The following GPSM2 variants were observed in gnomAD, a reference collection of about 807,000 sequenced individuals.
GPSM2 encodes the protein G protein signaling modulator 2.
In GPSM2, 58 loss-of-function variants were observed where a neutral mutation model predicts 78.4. The ratio of observed to expected loss-of-function variants is 0.74; its 90% CI spans 0.60 to 0.92. The LOEUF is 0.92. Ranked by LOEUF, GPSM2 falls within the 40% of genes least tolerant of loss-of-function variation. The probability of loss-of-function intolerance (pLI) is 0.00; values close to 1 mark genes in which losing one functional copy is unlikely to be tolerated. For missense variants in GPSM2, 700 were observed against 815.5 expected (o/e 0.86, Z 1.73); for synonymous variants, 224 against 280.2 (o/e 0.80, Z 2.00).
At chr1:108,916,626 T>C (rs1650249054) in intron 11 of GPSM2, among the ~76,000 whole-genome samples, 1 of 152,274 alleles carries the variant, frequency 6.6e-6, no homozygotes. Flanking sequence ...GCAAAATTAA[T>C]TTGCTTTCTT....
chr1:108,891,748 A>AC lies in GPSM2; in HGVS notation c.57-5109dup, dbSNP rs201549965. ...TCGAACTCCTGGGCTCAAGCGATCCACCCCCCCTTAGCCTCCCAAGTGCTG... is the reference window on the plus strand; with the variant it reads ...TCGAACTCCTGGGCTCAAGCGATCCACCCCCCCCTTAGCCTCCCAAGTGCTG... On this transcript the variant is annotated intron_variant, in intron 2 of 14. Coordinates refer to ENST00000264126, the MANE Select transcript of GPSM2 (RefSeq NM_013296.5). Among the ~76,000 whole-genome samples, 202 of 136,994 alleles carry AC rather than the reference A, an allele frequency of 1.5e-3. 1 individual carries two copies. The highest frequency in any genetic ancestry group is 5.1e-3 in the African/African-American group (182 of 35,968). The allele number at this position is 136,994 out of a possible 152,430, so 89.9% of individuals were successfully genotyped here. A position where few individuals can be genotyped will look rare whatever the true frequency, so the allele number is the denominator to read the frequency against.
intron 2 of GPSM2, among the ~76,000 whole-genome samples, chr1:108,891,210 A>G (rs1647940200): frequency 1.3e-5 from 2 of 152,236 alleles, no homozygotes; most frequent in African/African-American, 4.8e-5. Context: ...GTGAATAATA[A>G]GCATTTTAAT....
chr1:108,905,280 AC>A (rs1372733009), intron 10 of GPSM2, among the ~76,000 whole-genome samples: 3 of 152,158 alleles, frequency 2.0e-5, no homozygotes, highest in African/African-American at 7.2e-5. Flanking sequence ...GTCTTCATAG[AC>A]CCTTCTAGCT....
chr1:108,878,663 CAT>C (rs1665746529), intron 1 of GPSM2, among the ~76,000 whole-genome samples: 1 of 152,072 alleles, frequency 6.6e-6, no homozygotes, highest in African/African-American at 2.4e-5. Flanking sequence ...GAAAATCTGA[CAT>C]AGATTTAGGT....
intron 10 of GPSM2, among the ~76,000 whole-genome samples, chr1:108,911,663 T>C (rs6699472): frequency 0.33 from 49,809 of 151,948 alleles, 9,016 homozygotes; most frequent in African/African-American, 0.48. Flanking sequence ...GCTTAATAGG[T>C]GTTTATAACA....
intron 2 of GPSM2, among the ~76,000 whole-genome samples, chr1:108,889,828 T>G (rs928255151): frequency 6.6e-6 from 1 of 152,184 alleles, no homozygotes; most frequent in African/African-American, 2.4e-5. Context: ...TGGCTCCTAG[T>G]CACCCGGCCA....
At chr1:108,889,778 A>G (rs1349239656) in intron 2 of GPSM2, among the ~76,000 whole-genome samples, 1 of 152,136 alleles carries the variant, frequency 6.6e-6, no homozygotes, top group African/African-American at 2.4e-5. Context: ...ATCTCAAAAC[A>G]CAGAGCTAAC....
In GPSM2 at chr1:108,930,432, G is replaced by T. The variant is rs17031017; in HGVS notation, c.*492G>T. 3,216 of 153,688 alleles carry T rather than the reference G, an allele frequency of 0.021. 109 individuals are homozygous for T. Among genetic ancestry groups the T allele is most frequent in the African/African-American group, 0.072 (2,985 of 41,428 alleles). 9.5% of individuals were successfully genotyped at this position (153,688 alleles called of 1,614,324 possible). A position where few individuals can be genotyped will look rare whatever the true frequency, so the allele number is the denominator to read the frequency against. ...GTTTTTTTTTCCTCCATGAAAATCT[G>T]TTTTTTTAGGCCAAAGTCAGTATAA... On this transcript the variant is annotated 3_prime_UTR_variant, in exon 15 of 15. Transcript: ENST00000264126.
At position 108,930,706 on chromosome 1, in the gene GPSM2, T is replaced by C. The variant is rs1027879173; in HGVS notation, c.*766T>C. 4 of 151,110 alleles carry C rather than the reference T, an allele frequency of 2.6e-5. No homozygotes were observed. Among genetic ancestry groups the C allele is most frequent in the South Asian group, 2.1e-4 (1 of 4,772 alleles). The allele number at this position is 151,110 out of a possible 1,614,324, so 9.4% of individuals were successfully genotyped here. A position where few individuals can be genotyped will look rare whatever the true frequency, so the allele number is the denominator to read the frequency against. On this transcript the variant is annotated 3_prime_UTR_variant, in exon 15 of 15. Transcript: ENST00000264126. ...GAGTTTGAGACCAGCCTGGCCAACATAGTGAAACCCTGTCTCTACTAAAAA... is the reference window on the plus strand; with the variant it reads ...GAGTTTGAGACCAGCCTGGCCAACACAGTGAAACCCTGTCTCTACTAAAAA...
Position 108,921,199 on chromosome 1 carries a change from C to T in GPSM2, c.1441-1218C>T, listed in dbSNP as rs181145212. Among the ~76,000 whole-genome samples the T allele has an allele frequency of 2.4e-4, 37 of 152,270 alleles. 1 individual carries two copies. The highest frequency in any genetic ancestry group is 2.1e-3 in the Admixed American group (32 of 15,288). ...CATTGGGAGGCCAAAGCAGACAGGT[C>T]ACCTGAGGTCAGGAGTTTGAGACCA... On this transcript the variant is annotated intron_variant, in intron 12 of 14. Coordinates refer to ENST00000264126, the MANE Select transcript of GPSM2 (RefSeq NM_013296.5).
intron 11 of GPSM2, 42 bp downstream of exon 11, chr1:108,914,450 TA>T: frequency 7.9e-7 from 1 of 1,266,074 alleles, no homozygotes; most frequent in South Asian, 1.2e-5. Flanking sequence ...TGAACTATTA[TA>T]AAATGTTTTA....
At chr1:108,897,685 T>G (rs1012376816) in intron 4 of GPSM2, 58 bp downstream of exon 4, 2 of 1,357,472 alleles carry the variant, frequency 1.5e-6, no homozygotes, top group Non-Finnish European at 2.1e-6. Context: ...GCTTTGCATT[T>G]TAATACTATT....
At chr1:108,885,659 C>G (rs1647479920) in intron 2 of GPSM2, 81 bp downstream of exon 2, 1 of 862,716 alleles carries the variant, frequency 1.2e-6, no homozygotes, top group Non-Finnish European at 2.0e-6. Flanking sequence ...TTTCAAGTTT[C>G]AGTTGAAAAT....
At chr1:108,918,933 T>A in intron 12 of GPSM2, 144 bp downstream of exon 12, 1 of 658,968 alleles carries the variant, frequency 1.5e-6, no homozygotes, top group South Asian at 1.9e-5. Context: ...CTTTTCTATC[T>A]TCTTCAAAAT....
At chr1:108,922,924 G>T (rs943188257) in intron 13 of GPSM2, among the ~76,000 whole-genome samples, 1 of 152,148 alleles carries the variant, frequency 6.6e-6, no homozygotes, top group Non-Finnish European at 1.5e-5. Context: ...GAGGTCAGGA[G>T]TTTGAGACTA....
rs1472082201 is a variant in GPSM2 at position 108,901,905 on chromosome 1, C to T, written c.913C>T (p.His305Tyr). ...LQDYEKAIDY[H>Y]LKHLAIAQEL... is the part of the protein sequence containing the mutation. ...AGACTATGAAAAGGCCATTGATTAT[C>T]ATCTGAAGCACTTAGCAATTGCTCA... is the stretch of plus-strand genomic sequence containing the variant. Residue 305 changes from histidine (H) to tyrosine (Y), a missense_variant, in exon 8 of 15, where the codon CAT becomes TAT. Coordinates refer to ENST00000264126, the MANE Select transcript of GPSM2 (RefSeq NM_013296.5). The T allele has an allele frequency of 1.2e-6, 2 of 1,611,448 alleles. No individual in the cohort carries two copies. Among genetic ancestry groups the T allele is most frequent in the Admixed American group, 1.7e-5 (1 of 60,024 alleles).
At chr1:108,923,976 T>C (rs926979004) in intron 13 of GPSM2, 24 bp from the exon 14 acceptor site, 14 of 1,498,070 alleles carry the variant, frequency 9.3e-6, no homozygotes, top group Admixed American at 1.7e-5. Context: ...TTTTTAATCT[T>C]TGGCTTTCTT....
At chr1:108,886,431 A>G (rs1448763103) in intron 2 of GPSM2, among the ~76,000 whole-genome samples, 2 of 152,240 alleles carry the variant, frequency 1.3e-5, no homozygotes, top group Non-Finnish European at 2.9e-5. Flanking sequence ...TTTACTCCAG[A>G]AAGCAAGTCA....
chr1:108,917,607 CACACATATATATATATAT>C (rs1650332319), intron 11 of GPSM2, among the ~76,000 whole-genome samples: 1 of 26,180 alleles, frequency 3.8e-5, no homozygotes, highest in African/African-American at 2.1e-4. Flanking sequence ...CACACACACA[CACACATATATATATATAT>C]ATATATATAT....
Sources: gnomAD v4.1 joint callset for allele counts (sites outside exome capture counted in the v4.1 genomes callset) on GRCh38, gnomAD v4.1.1 for gene constraint, MANE v1.5 for transcripts, NCBI Gene and HGNC (gene_info 2026-07-23, HGNC 2026-07-21) for gene names.